EML6: variants seen among roughly 807,000 people sequenced by gnomAD.
EML6 encodes the protein EMAP like 6, also known as echinoderm microtubule-associated protein-like 6.
Under a neutral mutation model 240.1 loss-of-function variants are expected in EML6, and 154 were observed. The observed-to-expected ratio is 0.64, with a 90% CI of 0.56 to 0.73. The LOEUF is 0.73. EML6 is among the 30% of genes least tolerant of loss of function. The pLI is 0.00. For missense variants in EML6, 2,964 were observed against 2,474.6 expected (o/e 1.20, Z -4.20); for synonymous variants, 1,148 against 899.0 (o/e 1.28, Z -4.95).
At chr2:54,921,102 C>T (rs867809117) in intron 26 of EML6, among the ~76,000 whole-genome samples, 3 of 151,838 alleles carry the variant, frequency 2.0e-5, no homozygotes, top group African/African-American at 4.8e-5. Context: ...CAAGGAAGTC[C>T]TAGCCAGAGC....
At chr2:54,830,025 T>C (rs1668789308) in intron 7 of EML6, among the ~76,000 whole-genome samples, 1 of 152,142 alleles carries the variant, frequency 6.6e-6, no homozygotes, top group South Asian at 2.1e-4. Flanking sequence ...CAGCCTCCCA[T>C]AGTTGTATGA....
rs114768223 is a variant in EML6, at chr2:54,901,142, T to C, written c.3124+1360T>C. On this transcript the variant is annotated intron_variant, in intron 22 of 41. Transcript: ENST00000356458. Reference sequence around the variant, plus strand: ...TTTGTAGGAACCCCATGAGTAAGGCTATTATTATTGCCACTTACAAATCAG... The same window carrying C: ...TTTGTAGGAACCCCATGAGTAAGGCCATTATTATTGCCACTTACAAATCAG... 1.9e-3 allele frequency among the ~76,000 whole-genome samples: 290 copies of C among 152,296 alleles called. 1 individual carries two copies. The highest frequency in any genetic ancestry group is 6.9e-3 in the African/African-American group (287 of 41,568).
chr2:54,750,486 G>A (rs1445169207), intron 2 of EML6, among the ~76,000 whole-genome samples: 1 of 152,172 alleles, frequency 6.6e-6, no homozygotes, highest in Non-Finnish European at 1.5e-5. Context: ...GGAAACAAAG[G>A]AATTTAGTGG....
intron 6 of EML6, among the ~76,000 whole-genome samples, chr2:54,828,709 G>A (rs1397792096): frequency 1.3e-5 from 2 of 152,134 alleles, no homozygotes; most frequent in African/African-American, 4.8e-5. Context: ...TTTTTATACT[G>A]GATCTTATGT....
intron 9 of EML6, among the ~76,000 whole-genome samples, chr2:54,849,109 G>T (rs1253481006): frequency 1.3e-5 from 2 of 152,116 alleles, no homozygotes; most frequent in African/African-American, 4.8e-5. Context: ...AGTTAAACAT[G>T]AAAGCAAATG....
At chr2:54,734,808 G>A (rs915876201) in intron 2 of EML6, among the ~76,000 whole-genome samples, 3 of 152,252 alleles carry the variant, frequency 2.0e-5, no homozygotes, top group African/African-American at 7.2e-5. Flanking sequence ...TTTAGTGAGT[G>A]TAGCTATCTA....
chr2:54,885,834 A>G lies in EML6; in HGVS notation c.2439-5220A>G, dbSNP rs575186690. 2.6e-5 allele frequency among the ~76,000 whole-genome samples: 4 copies of G among 152,042 alleles called. No homozygotes were observed. The South Asian group carries it at 8.3e-4, about 32-fold the overall frequency. On this transcript the variant is annotated intron_variant, in intron 17 of 41. Coordinates refer to ENST00000356458, the MANE Select transcript of EML6 (RefSeq NM_001039753.4). Reference sequence around the variant, plus strand: ...CACCGTGTTAGCCAGGATGGTCTCGATCTCCTGACCTCGTGATCCCCCTGC... The same window carrying G: ...CACCGTGTTAGCCAGGATGGTCTCGGTCTCCTGACCTCGTGATCCCCCTGC...
In EML6 at chr2:54,725,016, G is replaced by A. The variant is rs554556276; in HGVS notation, c.-46G>A. Reference sequence around the variant, plus strand: ...CCGCAGCCCCAGCCTCGGCGAGGACGGCCCCGGCGCGCGGGGGGGCGGGGG... The same window carrying A: ...CCGCAGCCCCAGCCTCGGCGAGGACAGCCCCGGCGCGCGGGGGGGCGGGGG... On this transcript the variant is annotated 5_prime_UTR_variant, in exon 2 of 42. Transcript: ENST00000356458. The surrounding 1 kb of genome is among the most constrained non-coding windows in gnomAD (Gnocchi z 4.3). 830 of 1,429,272 alleles carry A rather than the reference G, an allele frequency of 5.8e-4. 5 individuals are homozygous for A. The African/African-American group carries it at 0.012, about 20-fold the overall frequency. The allele number at this position is 1,429,272 out of a possible 1,614,324, so 88.5% of individuals were successfully genotyped here.
chr2:54,882,242 G>A (rs888650426), intron 17 of EML6: 4 of 150,298 alleles, frequency 2.7e-5, no homozygotes, highest in Non-Finnish European at 5.9e-5. Flanking sequence ...GAGTGATTTC[G>A]GTTACCTCCA....
chr2:54,922,944 T>C (rs1169108518), intron 26 of EML6, among the ~76,000 whole-genome samples: 1 of 146,838 alleles, frequency 6.8e-6, no homozygotes, highest in Admixed American at 6.8e-5. Flanking sequence ...TTTTTTTTTT[T>C]TTTTTTTTTT....
intron 26 of EML6, among the ~76,000 whole-genome samples, chr2:54,925,793 G>C (rs1460561858): frequency 6.6e-6 from 1 of 152,146 alleles, no homozygotes; most frequent in East Asian, 1.9e-4. Context: ...GACACCATCT[G>C]TATGGCCTGC....
intron 2 of EML6, among the ~76,000 whole-genome samples, chr2:54,781,624 G>C (rs989777581): frequency 1.3e-5 from 2 of 152,086 alleles, no homozygotes; most frequent in African/African-American, 4.8e-5. Flanking sequence ...AAGTGTTATA[G>C]TGAAATACTA....
intron 2 of EML6, among the ~76,000 whole-genome samples, chr2:54,780,077 G>A (rs542487455): frequency 2.6e-5 from 4 of 152,010 alleles, no homozygotes; most frequent in South Asian, 4.2e-4. Flanking sequence ...TACTATTCAC[G>A]GTTGTATATT....
At chr2:54,860,822 C>G (rs1264699412) in intron 12 of EML6, among the ~76,000 whole-genome samples, 14 of 152,064 alleles carry the variant, frequency 9.2e-5, no homozygotes, top group Admixed American at 9.2e-4. Context: ...TCATTTCTCC[C>G]CAGATGGGGT....
intron 7 of EML6, among the ~76,000 whole-genome samples, chr2:54,841,974 C>A (rs1231905724): frequency 6.6e-6 from 1 of 152,046 alleles, no homozygotes; most frequent in Admixed American, 6.5e-5. Flanking sequence ...TTACCATATA[C>A]CCCTTCCCAC....
intron 19 of EML6, among the ~76,000 whole-genome samples, chr2:54,894,562 A>G (rs935365125): frequency 6.6e-5 from 10 of 152,200 alleles, no homozygotes; most frequent in African/African-American, 1.9e-4. Flanking sequence ...GTGAGATACC[A>G]GAAACTCTGC....
At chr2:54,915,097 C>G (rs1673840112) in intron 25 of EML6, among the ~76,000 whole-genome samples, 1 of 152,188 alleles carries the variant, frequency 6.6e-6, no homozygotes, top group Non-Finnish European at 1.5e-5. Context: ...ATCTTAGTTC[C>G]AGCATTTTCA....
At chr2:54,850,363 A>C in intron 10 of EML6, 145 bp downstream of exon 10, 1 of 663,798 alleles carries the variant, frequency 1.5e-6, no homozygotes, top group Non-Finnish European at 2.5e-6. Flanking sequence ...ACCTCAGGGC[A>C]AGGAATGTTT....
chr2:54,853,274 T>C (rs1438592051), intron 10 of EML6, among the ~76,000 whole-genome samples: 2 of 152,216 alleles, frequency 1.3e-5, no homozygotes, highest in African/African-American at 4.8e-5. Context: ...ATCAAGGTAA[T>C]TAAGTAATTG....
Sources: gnomAD v4.1 joint callset for allele counts (sites outside exome capture counted in the v4.1 genomes callset) on GRCh38, gnomAD v4.1.1 for gene constraint, Gnocchi (gnomAD v3.1) non-coding constraint, MANE v1.5 for transcripts, NCBI Gene and HGNC (gene_info 2026-07-23, HGNC 2026-07-21) for gene names.